The following SPAST variants were observed in gnomAD, a reference collection of about 807,000 sequenced individuals.
SPAST encodes spastin.
A neutral mutation model predicts 76.6 loss-of-function variants in SPAST; 30 were observed. The observed-to-expected ratio is 0.39, with a 90% CI of 0.29 to 0.53. The LOEUF is 0.53. SPAST is among the 20% of genes least tolerant of loss of function. The pLI is 0.68. For synonymous variants in SPAST, 305 were observed against 281.0 expected (o/e 1.09, Z -0.86); for missense variants, 717 against 770.5 (o/e 0.93, Z 0.82).
intron 7 of SPAST, among the ~76,000 whole-genome samples, chr2:32,118,547 G>A (rs1378867265): frequency 6.6e-6 from 1 of 152,092 alleles, no homozygotes. Flanking sequence ...ATTAGTAAAT[G>A]CTATAGACTA....
At chr2:32,114,391 G>T (rs1675578757) in intron 4 of SPAST, among the ~76,000 whole-genome samples, 1 of 152,000 alleles carries the variant, frequency 6.6e-6, no homozygotes, top group Non-Finnish European at 1.5e-5. Context: ...CTCCAGCCCA[G>T]GCCACAGGTT....
At chr2:32,141,830 C>A in intron 12 of SPAST, 74 bp from the exon 13 acceptor site, 2 of 1,178,272 alleles carry the variant, frequency 1.7e-6, no homozygotes, top group Admixed American at 1.9e-5. Flanking sequence ...ATTTTAAAAG[C>A]TTTTCCTGTC....
intron 1 of SPAST, among the ~76,000 whole-genome samples, chr2:32,068,581 C>G (rs139585672): frequency 1.3e-5 from 2 of 152,146 alleles, no homozygotes; most frequent in African/African-American, 4.8e-5. Context: ...GCCTTGGCCT[C>G]ACAAACTGCT....
Position 32,155,093 on chromosome 2 carries a change from A to T in SPAST, c.*597A>T, listed in dbSNP as rs1360977425. 6.5e-6 allele frequency: 1 copy of T among 153,394 alleles called. No individual in the cohort carries two copies. The highest frequency in any genetic ancestry group is 2.4e-5 in the African/African-American group (1 of 41,448). 9.5% of individuals were successfully genotyped at this position (153,394 alleles called of 1,614,324 possible). A position where few individuals can be genotyped will look rare whatever the true frequency, so the allele number is the denominator to read the frequency against. ...CTTCTTCATAAATCTACAGACATTA[A>T]ACAATTGTTGTGTTCTTTTTACCTT... On this transcript the variant is annotated 3_prime_UTR_variant, in exon 17 of 17. Coordinates refer to ENST00000315285, the MANE Select transcript of SPAST (RefSeq NM_014946.4).
intron 9 of SPAST, among the ~76,000 whole-genome samples, chr2:32,130,775 A>G (rs556828137): frequency 1.1e-4 from 17 of 152,092 alleles, no homozygotes; most frequent in African/African-American, 3.9e-4. Flanking sequence ...ACCACATGAT[A>G]TCCAGATAGC....
chr2:32,151,195 G>A (rs780569991), intron 16 of SPAST, among the ~76,000 whole-genome samples: 2 of 151,822 alleles, frequency 1.3e-5, no homozygotes, highest in African/African-American at 2.4e-5. Context: ...CGCCCACCTC[G>A]GCCTCCCAAA....
At chr2:32,116,665 C>G (rs1345562937) in intron 7 of SPAST, among the ~76,000 whole-genome samples, 1 of 152,148 alleles carries the variant, frequency 6.6e-6, no homozygotes, top group Admixed American at 6.5e-5. Context: ...TGGGGTTTTG[C>G]TATATTGGCC....
At chr2:32,072,512 G>T (rs544718414) in intron 1 of SPAST, among the ~76,000 whole-genome samples, 1 of 152,162 alleles carries the variant, frequency 6.6e-6, no homozygotes, top group African/African-American at 2.4e-5. Context: ...TATGAGTCAT[G>T]TCCAACCCCC....
At chr2:32,068,058 T>A (rs1313970841) in intron 1 of SPAST, among the ~76,000 whole-genome samples, 77 of 145,866 alleles carry the variant, frequency 5.3e-4, no homozygotes, top group African/African-American at 1.8e-3. Flanking sequence ...GGCTCACTGC[T>A]AGCTCCGCCT....
intron 16 of SPAST, among the ~76,000 whole-genome samples, chr2:32,149,152 C>T (rs188432096): frequency 2.0e-4 from 31 of 151,698 alleles, no homozygotes; most frequent in Admixed American, 5.9e-4. Context: ...TGCAGTGGCA[C>T]CATCTTGGCT....
chr2:32,098,825 A>G lies in SPAST; in HGVS notation c.616A>G (p.Lys206Glu), dbSNP rs781149761. Residue 206 changes from lysine (K) to glutamate (E), a missense_variant, in exon 4 of 17, where the codon AAG (lysine) becomes GAG (glutamate). Lys to Glu is a moderately conservative substitution (Grantham distance 56). Around this residue, in one of 3 missense-constraint regions of SPAST, gnomAD observed 543 missense variants for 445.2 expected, o/e 1.22. Transcript: ENST00000315285. ...EKMQPVLPFS[K>E]SQTDVYNDST... ...GATGCAACCAGTTTTGCCATTTTCC[A>G]AGTCACAAACGGACGTCTATAATGA... The G allele has an allele frequency of 2.5e-6, 4 of 1,613,764 alleles. No individual in the cohort carries two copies. The East Asian group carries it at 8.9e-5, about 36-fold the overall frequency.
intron 1 of SPAST, among the ~76,000 whole-genome samples, chr2:32,071,965 C>G (rs1186835495): frequency 1.3e-5 from 2 of 152,148 alleles, no homozygotes; most frequent in Non-Finnish European, 2.9e-5. Context: ...ATTTTCCCCA[C>G]AAGAGAAAGC....
At chr2:32,102,964 G>C (rs1407819333) in intron 4 of SPAST, among the ~76,000 whole-genome samples, 1 of 152,208 alleles carries the variant, frequency 6.6e-6, no homozygotes, top group African/African-American at 2.4e-5. Context: ...TTGGTATCAG[G>C]ATGATGCTGG....
chr2:32,109,810 A>G (rs181981572), intron 4 of SPAST, among the ~76,000 whole-genome samples: 5 of 146,906 alleles, frequency 3.4e-5, no homozygotes, highest in South Asian at 4.4e-4. Flanking sequence ...ATATGTATAC[A>G]CACATACATA....
chr2:32,117,520 G>A (rs1678880998), intron 7 of SPAST, among the ~76,000 whole-genome samples: 1 of 147,740 alleles, frequency 6.8e-6, no homozygotes, highest in South Asian at 2.2e-4. Flanking sequence ...AGGAATTCAG[G>A]TAGAATAATT....
At chr2:32,141,435 T>C (rs908714012) in intron 12 of SPAST, among the ~76,000 whole-genome samples, 15 of 152,354 alleles carry the variant, frequency 9.8e-5, no homozygotes, top group Admixed American at 9.8e-4. Flanking sequence ...AAAACTGTAC[T>C]CTGACAGTCA....
chr2:32,149,255 A>ACTTTT (rs1181536822), intron 16 of SPAST, among the ~76,000 whole-genome samples: 1 of 8,444 alleles, frequency 1.2e-4, no homozygotes, highest in Non-Finnish European at 3.0e-4. Context: ...ACGCCCAGCT[A>ACTTTT]ATTTTTTTTT....
At chr2:32,066,002 C>T (rs1182672824) in intron 1 of SPAST, 2 of 139,276 alleles carry the variant, frequency 1.4e-5, no homozygotes, top group East Asian at 2.1e-4. Context: ...GAGATGGAGT[C>T]TCCCTGTGTC....
At chr2:32,101,886 T>C (rs964773542) in intron 4 of SPAST, among the ~76,000 whole-genome samples, 1 of 152,174 alleles carries the variant, frequency 6.6e-6, no homozygotes, top group African/African-American at 2.4e-5. Flanking sequence ...ACCTTCGTAG[T>C]ATAGTTTGAA....
Sources: allele counts gnomAD v4.1 joint callset (sites outside exome capture counted in the v4.1 genomes callset), GRCh38; gene constraint gnomAD v4.1.1; regional missense constraint gnomAD v4.1.1; transcripts MANE v1.5; gene names NCBI Gene and HGNC (gene_info 2026-07-23, HGNC 2026-07-21).